MDGA2: variants seen among roughly 807,000 people sequenced by gnomAD.
MDGA2 encodes the protein MAM domain containing glycosylphosphatidylinositol anchor 2.
In MDGA2, 40 loss-of-function variants were observed where a neutral mutation model predicts 117.8. That is an observed-to-expected ratio of 0.34 (90% CI 0.26 to 0.44). The LOEUF (loss-of-function observed/expected upper bound fraction) is 0.44. Ranked by LOEUF, MDGA2 falls within the 20% of genes least tolerant of loss-of-function variation. The probability of loss-of-function intolerance (pLI) is 1.00; values close to 1 mark genes in which losing one functional copy is unlikely to be tolerated. For missense variants in MDGA2, 1,123 were observed against 1,250.6 expected (o/e 0.90, Z 1.54); for synonymous variants, 452 against 439.0 (o/e 1.03, Z -0.37).
chr14:47,245,285 T>C (rs957365946), intron 2 of MDGA2, among the ~76,000 whole-genome samples: 2 of 151,930 alleles, frequency 1.3e-5, no homozygotes, highest in African/African-American at 4.8e-5. Flanking sequence ...CCTCTTGGCC[T>C]TATGATTTTC....
chr14:46,981,217 A>G (rs1402794758), intron 8 of MDGA2, among the ~76,000 whole-genome samples: 1 of 151,970 alleles, frequency 6.6e-6, no homozygotes, highest in African/African-American at 2.4e-5. Context: ...TAGCCTGACC[A>G]ACATGGTGAA....
chr14:47,634,079 T>C (rs1266086567), intron 1 of MDGA2, among the ~76,000 whole-genome samples: 1 of 152,006 alleles, frequency 6.6e-6, no homozygotes, highest in Non-Finnish European at 1.5e-5. Flanking sequence ...TTTGGAAAAA[T>C]GTTTGTATAG....
chr14:46,985,681 T>C (rs962434548), intron 8 of MDGA2, among the ~76,000 whole-genome samples: 1 of 152,152 alleles, frequency 6.6e-6, no homozygotes, highest in African/African-American at 2.4e-5. Context: ...AATGGTTTAC[T>C]GTGGAGCTGA....
At chr14:47,613,001 G>T (rs990145249) in intron 1 of MDGA2, among the ~76,000 whole-genome samples, 9 of 152,090 alleles carry the variant, frequency 5.9e-5, no homozygotes, top group African/African-American at 2.2e-4. Context: ...CCCTTATTGC[G>T]GGTATTGAAA....
At chr14:47,632,148 T>C (rs1359604554) in intron 1 of MDGA2, among the ~76,000 whole-genome samples, 2 of 152,178 alleles carry the variant, frequency 1.3e-5, no homozygotes, top group Admixed American at 1.3e-4. Flanking sequence ...TGTCCTACTA[T>C]AAATTAGACA....
intron 1 of MDGA2, among the ~76,000 whole-genome samples, chr14:47,606,982 CT>C (rs938970323): frequency 1.3e-5 from 2 of 152,036 alleles, no homozygotes; most frequent in African/African-American, 2.4e-5. Flanking sequence ...CTAATTTTTT[CT>C]AAATTTTAAA....
At chr14:47,115,933 A>G (rs1332511925) in intron 5 of MDGA2, among the ~76,000 whole-genome samples, 1 of 152,054 alleles carries the variant, frequency 6.6e-6, no homozygotes, top group Non-Finnish European at 1.5e-5. Context: ...TCCCAGCCAG[A>G]GTAATTCGGC....
chr14:47,121,206 A>G (rs1412720837), intron 5 of MDGA2, among the ~76,000 whole-genome samples: 1 of 152,116 alleles, frequency 6.6e-6, no homozygotes, highest in Admixed American at 6.6e-5. Context: ...TTTTCCTACT[A>G]AAATATTTTT....
intron 8 of MDGA2, among the ~76,000 whole-genome samples, chr14:47,032,339 C>T (rs916931346): frequency 8.6e-5 from 13 of 151,988 alleles, no homozygotes; most frequent in Non-Finnish European, 1.8e-4. Flanking sequence ...GTAGTCTCAA[C>T]AGTTTGGGAG....
At chr14:47,444,555 T>A (rs1184696271) in intron 1 of MDGA2, 2 of 155,862 alleles carry the variant, frequency 1.3e-5, no homozygotes, top group African/African-American at 4.8e-5. Flanking sequence ...TGAGAGATCA[T>A]CTTGCTTCTA....
chr14:47,136,298 G>C lies in MDGA2; in HGVS notation c.793-4452C>G, dbSNP rs540013386. On this transcript the variant is annotated intron_variant, in intron 4 of 16. Transcript: ENST00000399232. ...GCTGAAACTCTGCCTCCAGGTTCAA[G>C]CGATTCCCATGCTTCAGCCTCCCAA... Among the ~76,000 whole-genome samples, 35 of 150,662 alleles carry C rather than the reference G, an allele frequency of 2.3e-4. 1 individual carries two copies. The South Asian group carries it at 6.9e-3, about 30-fold the overall frequency.
chr14:47,400,664 C>A (rs1295686996), intron 1 of MDGA2, among the ~76,000 whole-genome samples: 1 of 147,262 alleles, frequency 6.8e-6, no homozygotes, highest in Non-Finnish European at 1.5e-5. Context: ...CCAACCTGGG[C>A]GACGAAGCAA....
chr14:47,312,411 G>C (rs1250979790), intron 1 of MDGA2, among the ~76,000 whole-genome samples: 2 of 152,062 alleles, frequency 1.3e-5, no homozygotes, highest in African/African-American at 4.8e-5. Flanking sequence ...CCTACTTTCA[G>C]TGGTAAAGAG....
At chr14:47,304,011 G>A (rs191707804) in intron 1 of MDGA2, among the ~76,000 whole-genome samples, 39 of 152,230 alleles carry the variant, frequency 2.6e-4, no homozygotes, top group African/African-American at 9.4e-4. Context: ...TCTTGGAAAA[G>A]GTAATTGCCT....
At chr14:47,131,967 C>A in intron 4 of MDGA2, 121 bp from the exon 5 acceptor site, 1 of 764,072 alleles carries the variant, frequency 1.3e-6, no homozygotes, top group Non-Finnish European at 1.8e-6. Context: ...GACAGACTGT[C>A]TTTTTTTAAG....
intron 1 of MDGA2, among the ~76,000 whole-genome samples, chr14:47,517,440 G>C (rs905801135): frequency 6.6e-6 from 1 of 151,982 alleles, no homozygotes; most frequent in African/African-American, 2.4e-5. Flanking sequence ...TATTTAGAAA[G>C]TAAGTTATAA....
chr14:47,099,542 G>GT (rs1566623339), intron 5 of MDGA2, among the ~76,000 whole-genome samples: 1 of 151,922 alleles, frequency 6.6e-6, no homozygotes, highest in Non-Finnish European at 1.5e-5. Flanking sequence ...ACCCCTGCCA[G>GT]TTTTTTCTTC....
chr14:47,619,277 A>C (rs1422560739), intron 1 of MDGA2, among the ~76,000 whole-genome samples: 2 of 152,184 alleles, frequency 1.3e-5, no homozygotes, highest in Non-Finnish European at 2.9e-5. Flanking sequence ...CCCAATAATA[A>C]TATTCCAAAT....
At chr14:47,665,831 C>CCCGCCA (rs1359643852) in intron 1 of MDGA2, among the ~76,000 whole-genome samples, 3 of 81,554 alleles carry the variant, frequency 3.7e-5, no homozygotes, top group Non-Finnish European at 8.2e-5. Flanking sequence ...CGCCCCCGCC[C>CCCGCCA]CACCCCGCCC....
Sources: allele counts gnomAD v4.1 joint callset (sites outside exome capture counted in the v4.1 genomes callset), GRCh38; gene constraint gnomAD v4.1.1; transcripts MANE v1.5; gene names NCBI Gene and HGNC (gene_info 2026-07-23, HGNC 2026-07-21).